The following MYO9A variants were observed in gnomAD, a reference collection of about 807,000 sequenced individuals.
MYO9A encodes unconventional myosin-IXa.
Under a neutral mutation model 293.3 loss-of-function variants are expected in MYO9A, and 103 were observed. The ratio of observed to expected loss-of-function variants is 0.35; its 90% CI spans 0.30 to 0.41. MYO9A has a LOEUF of 0.41. Ranked by LOEUF, MYO9A falls within the 10% of genes least tolerant of loss-of-function variation. MYO9A has a pLI of 1.00. For synonymous variants in MYO9A, 1,001 were observed against 1,035.7 expected (o/e 0.97, Z 0.64); for missense variants, 2,685 against 3,033.0 (o/e 0.89, Z 2.69).
chr15:72,077,750 AAAATATATATAT>A (rs1278034122), intron 1 of MYO9A, among the ~76,000 whole-genome samples: 708 of 45,830 alleles, frequency 0.015, 8 homozygotes, highest in African/African-American at 0.063. Context: ...AAAAAAAAAA[AAAATATATATAT>A]ATATATATAT....
At chr15:71,846,696 A>G (rs945906882) in intron 39 of MYO9A, among the ~76,000 whole-genome samples, 11 of 152,178 alleles carry the variant, frequency 7.2e-5, no homozygotes, top group Non-Finnish European at 1.0e-4. Flanking sequence ...AAGCCTCCTC[A>G]ATAAAATGGT....
At chr15:71,900,375 G>C (rs2057450970) in intron 23 of MYO9A, among the ~76,000 whole-genome samples, 1 of 148,736 alleles carries the variant, frequency 6.7e-6, no homozygotes, top group Non-Finnish European at 1.5e-5. Flanking sequence ...GCTGGAGCTT[G>C]CAGTGAGCAG....
At chr15:71,943,405 T>C (rs1007151783) in intron 15 of MYO9A, among the ~76,000 whole-genome samples, 1 of 152,068 alleles carries the variant, frequency 6.6e-6, no homozygotes, top group Admixed American at 6.5e-5. Flanking sequence ...CTGTATACCA[T>C]CTGCAAGCAG....
intron 8 of MYO9A, among the ~76,000 whole-genome samples, chr15:72,003,636 G>A (rs1259876129): frequency 1.3e-5 from 2 of 151,170 alleles, no homozygotes; most frequent in Non-Finnish European, 2.9e-5. Flanking sequence ...CCCAGGAAGC[G>A]GAGCTTGCAG....
intron 14 of MYO9A, among the ~76,000 whole-genome samples, chr15:71,956,800 A>G (rs1032839416): frequency 2.7e-5 from 4 of 149,610 alleles, no homozygotes; most frequent in African/African-American, 9.8e-5. Flanking sequence ...GTATATATGT[A>G]TGCTATATAT....
At chr15:71,834,066 T>C (rs1189446117) in intron 39 of MYO9A, among the ~76,000 whole-genome samples, 3 of 152,036 alleles carry the variant, frequency 2.0e-5, no homozygotes, top group Non-Finnish European at 4.4e-5. Context: ...ATGTAGCTCT[T>C]TGAAGAGGCT....
chr15:72,069,318 T>C (rs546255138), intron 1 of MYO9A, among the ~76,000 whole-genome samples: 2 of 152,302 alleles, frequency 1.3e-5, no homozygotes, highest in East Asian at 3.9e-4. Context: ...AACTCTACAA[T>C]TGTATATGTA....
At chr15:71,855,387 T>C (rs924283106) in intron 34 of MYO9A, among the ~76,000 whole-genome samples, 1 of 152,208 alleles carries the variant, frequency 6.6e-6, no homozygotes. Flanking sequence ...CTGCCCGCCT[T>C]GGCCTTCCAA....
At chr15:72,061,199 G>A (rs766632124) in intron 1 of MYO9A, among the ~76,000 whole-genome samples, 4 of 152,040 alleles carry the variant, frequency 2.6e-5, no homozygotes, top group African/African-American at 4.8e-5. Context: ...GGCAGTACTC[G>A]CCATGGGCCT....
Position 71,899,709 on chromosome 15 carries a change from T to C in MYO9A, c.3448A>G (p.Arg1150Gly), listed in dbSNP as rs2057427792. 1.2e-6 allele frequency: 2 copies of C among 1,613,784 alleles called. No homozygotes were observed. Among genetic ancestry groups the C allele is most frequent in the Non-Finnish European group, 8.5e-7 (1 of 1,179,902 alleles). The change falls in exon 24 of 42, where the codon AGA becomes GGA. Residue 1150 changes from arginine to glycine, a missense_variant. Coordinates refer to ENST00000356056, the MANE Select transcript of MYO9A (RefSeq NM_006901.4). ...KKIILLQSTC[R>G]GFRARQRFKA... ...TACCTTTGTCTTGCTCTGAATCCTC[T>C]ACATGTTGATTGCAAAAGGATAATT...
At chr15:71,852,061 A>G (rs1255358255) in intron 36 of MYO9A, 71 bp downstream of exon 36, 1 of 1,450,882 alleles carries the variant, frequency 6.9e-7, no homozygotes, top group East Asian at 2.3e-5. Flanking sequence ...ATGGCTTGAT[A>G]ATCTATACTC....
rs371916542 is a variant in MYO9A, at chr15:72,002,438, A to T, written c.1381-2498T>A. On this transcript the variant is annotated intron_variant, in intron 8 of 41. Transcript: ENST00000356056. ...AGGCGGGTCTTGAACTCCTAAACTC[A>T]AACAATCCACCTGCCTTGGCCTCCC... Among the ~76,000 whole-genome samples the T allele has an allele frequency of 9.9e-5, 15 of 152,146 alleles. No homozygotes were observed. In the East Asian group the frequency reaches 2.3e-3, roughly 23 times the overall value.
intron 8 of MYO9A, among the ~76,000 whole-genome samples, chr15:72,003,683 G>T (rs1238953753): frequency 7.2e-6 from 1 of 138,532 alleles, no homozygotes; most frequent in South Asian, 2.3e-4. Flanking sequence ...CAGCCTGGGC[G>T]ACAGAGCGAG....
chr15:71,968,729 C>T (rs1223311718), intron 12 of MYO9A, among the ~76,000 whole-genome samples: 3 of 152,048 alleles, frequency 2.0e-5, no homozygotes, highest in African/African-American at 7.2e-5. Context: ...GGAAAAAAAT[C>T]ATCACTGGTG....
At chr15:71,965,110 T>A in intron 13 of MYO9A, among the ~76,000 whole-genome samples, 1 of 151,842 alleles carries the variant, frequency 6.6e-6, no homozygotes, top group African/African-American at 2.4e-5. Context: ...TAAAATATTA[T>A]AATTTTAATA....
At chr15:72,057,966 C>A (rs2078769042) in intron 1 of MYO9A, among the ~76,000 whole-genome samples, 2 of 152,172 alleles carry the variant, frequency 1.3e-5, no homozygotes, top group South Asian at 2.1e-4. Context: ...GTGCAATACC[C>A]TTTGAGGATA....
At chr15:71,920,394 G>A (rs2058125919) in intron 18 of MYO9A, among the ~76,000 whole-genome samples, 1 of 152,100 alleles carries the variant, frequency 6.6e-6, no homozygotes, top group African/African-American at 2.4e-5. Flanking sequence ...TTGGGAAGTA[G>A]CTGGGTAGTG....
At chr15:71,862,382 G>A (rs879575491) in intron 33 of MYO9A, 118 bp downstream of exon 33, 22 of 731,066 alleles carry the variant, frequency 3.0e-5, no homozygotes, top group Admixed American at 7.3e-5. Context: ...AGCAAGAGAT[G>A]AGGTTAAAAA....
intron 9 of MYO9A, among the ~76,000 whole-genome samples, chr15:71,996,124 T>C (rs1159920065): frequency 6.6e-6 from 1 of 152,060 alleles, no homozygotes; most frequent in Non-Finnish European, 1.5e-5. Context: ...AATGAAAATA[T>C]AACAGAATAC....
Sources: allele counts gnomAD v4.1 joint callset (sites outside exome capture counted in the v4.1 genomes callset), GRCh38; gene constraint gnomAD v4.1.1; transcripts MANE v1.5; gene names NCBI Gene and HGNC (gene_info 2026-07-23, HGNC 2026-07-21).